The following GRIN2A variants were observed in gnomAD, a reference collection of about 807,000 sequenced individuals.
The protein encoded by GRIN2A is glutamate ionotropic receptor NMDA type subunit 2A.
GRIN2A carries 22 observed loss-of-function variants against 113.4 expected under a neutral mutation model. The observed-to-expected ratio is 0.19, with a 90% CI of 0.14 to 0.28. GRIN2A has a LOEUF of 0.28. Ranked by LOEUF, GRIN2A falls within the 10% of genes least tolerant of loss-of-function variation. The pLI is 1.00. For missense variants in GRIN2A, 1,502 were observed against 1,887.0 expected, an observed-to-expected ratio of 0.80 and a Z score of 3.78; for synonymous variants, 827 against 738.4, an observed-to-expected ratio of 1.12 and a Z score of -1.94.
chr16:10,030,911 G>C (rs1296270660), intron 2 of GRIN2A, among the ~76,000 whole-genome samples: 2 of 152,160 alleles, frequency 1.3e-5, no homozygotes, highest in East Asian at 3.8e-4. Flanking sequence ...ATTATTTGTT[G>C]CCCTAAAAAA....
At chr16:9,769,528 C>T (rs1415283506) in intron 11 of GRIN2A, among the ~76,000 whole-genome samples, 2 of 149,926 alleles carry the variant, frequency 1.3e-5, no homozygotes, top group African/African-American at 2.4e-5. Context: ...CCAATACCCA[C>T]CCAAGCTTGG....
At chr16:9,991,476 C>G (rs2046111397) in intron 2 of GRIN2A, among the ~76,000 whole-genome samples, 1 of 152,158 alleles carries the variant, frequency 6.6e-6, no homozygotes, top group South Asian at 2.1e-4. Flanking sequence ...GTGGTGAAGT[C>G]TTGGCTTTTA....
chr16:9,779,562 G>T (rs1324233058), intron 11 of GRIN2A, among the ~76,000 whole-genome samples: 2 of 152,166 alleles, frequency 1.3e-5, no homozygotes, highest in Admixed American at 1.3e-4. Context: ...GGAAGAAAAA[G>T]GGGAATGGAG....
intron 2 of GRIN2A, among the ~76,000 whole-genome samples, chr16:9,941,567 C>A (rs2044876717): frequency 1.3e-5 from 2 of 152,214 alleles, no homozygotes; most frequent in Admixed American, 1.3e-4. Context: ...CCATTACCCA[C>A]TATGCTGATC....
chr16:9,968,005 A>C (rs567071815), intron 2 of GRIN2A, among the ~76,000 whole-genome samples: 5 of 152,336 alleles, frequency 3.3e-5, no homozygotes, highest in African/African-American at 1.2e-4. Flanking sequence ...ACAGTGTTTC[A>C]TTATTTCCAA....
In GRIN2A at chr16:9,938,271, G is replaced by A. The variant is rs747198986; in HGVS notation, c.695C>T (p.Ser232Phe). The A allele has an allele frequency of 1.2e-5, 19 of 1,613,950 alleles. No homozygotes were observed. Among genetic ancestry groups the A allele is most frequent in the Non-Finnish European group, 1.5e-5 (18 of 1,179,944 alleles). ...CAGAATGAGAACAGCCTCGTCTTTG[G>A]AACAGTAGAGCAAGATGACAGAAGA... is the stretch of plus-strand genomic sequence containing the variant. Reference protein sequence around the residue: ...IHSSVILLYCSKDEAVLILSE... With the variant: ...IHSSVILLYCFKDEAVLILSE... The change falls in exon 3 of 13, where the codon TCC (serine) becomes TTC (phenylalanine). Residue 232 changes from serine to phenylalanine, a missense_variant. Coordinates refer to ENST00000330684, the MANE Select transcript of GRIN2A (RefSeq NM_001134407.3).
intron 2 of GRIN2A, among the ~76,000 whole-genome samples, chr16:10,069,087 C>T (rs986042909): frequency 3.3e-5 from 5 of 151,940 alleles, no homozygotes; most frequent in African/African-American, 1.2e-4. Flanking sequence ...ATGAGAAGCC[C>T]TTAAAGGCTA....
chr16:9,893,934 T>TTA (rs2043751919), intron 3 of GRIN2A, among the ~76,000 whole-genome samples: 1 of 152,240 alleles, frequency 6.6e-6, no homozygotes, highest in Non-Finnish European at 1.5e-5. Flanking sequence ...ACCCACATTC[T>TTA]TATAATTCAA....
intron 2 of GRIN2A, among the ~76,000 whole-genome samples, chr16:10,024,063 A>G (rs1432859194): frequency 6.6e-6 from 1 of 152,160 alleles, no homozygotes; most frequent in Non-Finnish European, 1.5e-5. Flanking sequence ...TTCGAATCCA[A>G]AGACATGTTC....
chr16:9,998,830 C>A (rs927666669), intron 2 of GRIN2A, among the ~76,000 whole-genome samples: 6 of 152,196 alleles, frequency 3.9e-5, no homozygotes, highest in East Asian at 1.9e-4. Context: ...TCCTCCTCCC[C>A]CTCCTGCAAA....
chr16:9,790,909 G>A (rs542546553), intron 11 of GRIN2A, among the ~76,000 whole-genome samples: 79 of 152,306 alleles, frequency 5.2e-4, no homozygotes, highest in African/African-American at 1.8e-3. Context: ...CATGGATAGC[G>A]TATGCCCTCG....
intron 4 of GRIN2A, among the ~76,000 whole-genome samples, chr16:9,873,182 G>T (rs2043299308): frequency 6.6e-6 from 1 of 152,154 alleles, no homozygotes; most frequent in Non-Finnish European, 1.5e-5. Flanking sequence ...ACTCAGAAAG[G>T]CAAGTGGGTG....
intron 2 of GRIN2A, among the ~76,000 whole-genome samples, chr16:9,964,982 G>A (rs1372781457): frequency 6.6e-6 from 1 of 152,164 alleles, no homozygotes; most frequent in East Asian, 1.9e-4. Context: ...ATTATTAAAT[G>A]TGATTCAAGA....
chr16:10,039,808 G>GGGAGGGAGAGAGAGA (rs1555469298), intron 2 of GRIN2A, among the ~76,000 whole-genome samples: 1 of 63,812 alleles, frequency 1.6e-5, no homozygotes, highest in African/African-American at 7.8e-5. Flanking sequence ...GGGAGGGGGG[G>GGGAGGGAGAGAGAGA]GAGAAAGAGA....
intron 9 of GRIN2A, among the ~76,000 whole-genome samples, chr16:9,825,450 G>A (rs1043238774): frequency 1.3e-5 from 2 of 152,158 alleles, no homozygotes; most frequent in African/African-American, 4.8e-5. Context: ...ATGTCTGAAG[G>A]TCATCCAAGT....
At chr16:10,100,766 C>G (rs72774196) in intron 2 of GRIN2A, among the ~76,000 whole-genome samples, 1 of 152,164 alleles carries the variant, frequency 6.6e-6, no homozygotes, top group East Asian at 1.9e-4. Context: ...GGATGATTAG[C>G]GCCCAGAAAG....
chr16:10,124,451 A>G (rs1239093384), intron 2 of GRIN2A, among the ~76,000 whole-genome samples: 1 of 151,014 alleles, frequency 6.6e-6, no homozygotes, highest in East Asian at 1.9e-4. Context: ...AGAAGCCAAC[A>G]TAACTGGCAA....
At chr16:10,070,263 CTT>C (rs2047724812) in intron 2 of GRIN2A, among the ~76,000 whole-genome samples, 2 of 152,276 alleles carry the variant, frequency 1.3e-5, no homozygotes, top group South Asian at 2.1e-4. Context: ...GGCCTCCTGA[CTT>C]TGTTTACCAA....
intron 4 of GRIN2A, among the ~76,000 whole-genome samples, chr16:9,881,185 A>G (rs1408015181): frequency 1.3e-5 from 2 of 152,246 alleles, no homozygotes; most frequent in African/African-American, 2.4e-5. Flanking sequence ...CTACATCTAT[A>G]AACAGCGTTT....
Sources: gnomAD v4.1 joint callset for allele counts (sites outside exome capture counted in the v4.1 genomes callset) on GRCh38, gnomAD v4.1.1 for gene constraint, MANE v1.5 for transcripts, NCBI Gene and HGNC (gene_info 2026-07-23, HGNC 2026-07-21) for gene names.